Variants in RNF20 observed in about 807,000 individuals in gnomAD.
RNF20 encodes E3 ubiquitin-protein ligase BRE1A.
Under a neutral mutation model 126.2 loss-of-function variants are expected in RNF20, and 84 were observed. That is an observed-to-expected ratio of 0.67 (90% CI 0.56 to 0.80). RNF20 has a LOEUF of 0.80. Among genes scored for constraint, RNF20 ranks in the 30% least tolerant of loss-of-function variants. RNF20 has a pLI of 0.00. For synonymous variants in RNF20, 400 were observed against 414.3 expected (o/e 0.97, Z 0.42); for missense variants, 869 against 1,188.2 (o/e 0.73, Z 3.95).
rs768330783 is a variant in RNF20 at position 101,547,462 on chromosome 9, C to G, written c.1036C>G (p.Leu346Val). Residue 346 changes from leucine (L) to valine (V), a missense_variant, in exon 9 of 20, where the codon CTG (leucine) becomes GTG (valine). Transcript: ENST00000389120. ...GTTGGCTCAGAACCGTCTCTGTGAGCTGGAGAAACTTCGGCAAGACTTTGA... is the reference window on the plus strand; with the variant it reads ...GTTGGCTCAGAACCGTCTCTGTGAGGTGGAGAAACTTCGGCAAGACTTTGA... ...KELAQNRLCE[L>V]EKLRQDFEEV... is the part of the protein sequence containing the mutation. 2 of 1,614,154 alleles carry G rather than the reference C, an allele frequency of 1.2e-6. No individual in the cohort carries two copies. Among genetic ancestry groups the G allele is most frequent in the Admixed American group, 1.7e-5 (1 of 60,024 alleles).
intron 16 of RNF20, among the ~76,000 whole-genome samples, chr9:101,559,701 T>G (rs1827595995): frequency 6.6e-6 from 1 of 152,146 alleles, no homozygotes; most frequent in Non-Finnish European, 1.5e-5. Flanking sequence ...TGATTCTCAG[T>G]TTGGTTGCTG....
Position 101,540,811 on chromosome 9 carries a change from C to G in RNF20, c.464C>G (p.Ala155Gly). Reference sequence around the variant, plus strand: ...TCCTCAGGGGAAGGGCAAGAGCCAGCTTTCTCTTTCCTTGCTACTTTGGCC... The same window carrying G: ...TCCTCAGGGGAAGGGCAAGAGCCAGGTTTCTCTTTCCTTGCTACTTTGGCC... ...DRERGEGQEP[A>G]FSFLATLASS... Residue 155 changes from alanine (A) to glycine (G), a missense_variant, in exon 5 of 20, where the codon GCT becomes GGT. Physicochemically the swap from Ala to Gly is moderately conservative, Grantham distance 60. Around this residue, in one of 8 missense-constraint regions of RNF20, gnomAD observed 157 missense variants for 236.0 expected, o/e 0.67. Coordinates refer to ENST00000389120, the MANE Select transcript of RNF20 (RefSeq NM_019592.7). 6.2e-7 allele frequency: 1 copy of G among 1,613,812 alleles called. No individual in the cohort carries two copies. Among genetic ancestry groups the G allele is most frequent in the African/African-American group, 1.3e-5 (1 of 75,016 alleles).
At chr9:101,540,658 C>G (rs1564107128) in intron 4 of RNF20, 21 bp downstream of exon 4, 2 of 1,613,278 alleles carry the variant, frequency 1.2e-6, no homozygotes, top group Non-Finnish European at 1.7e-6. Flanking sequence ...GTGATGGATT[C>G]TATCACTGCA....
intron 2 of RNF20, among the ~76,000 whole-genome samples, chr9:101,538,224 G>C (rs562282182): frequency 4.6e-5 from 7 of 152,242 alleles, no homozygotes; most frequent in African/African-American, 1.7e-4. Context: ...GGCTGAAGGA[G>C]GTAGAAGACA....
chr9:101,534,838 C>CAT (rs112935735), intron 1 of RNF20, among the ~76,000 whole-genome samples: 43 of 151,928 alleles, frequency 2.8e-4, no homozygotes, highest in African/African-American at 1.0e-3. Flanking sequence ...CCCATTGTCT[C>CAT]ATTTCTTATC....
chr9:101,537,255 G>GGTA (rs1193696157), intron 2 of RNF20, among the ~76,000 whole-genome samples: 3 of 152,148 alleles, frequency 2.0e-5, no homozygotes. Flanking sequence ...CCACTGTGGA[G>GGTA]GTAGCATTGA....
At chr9:101,559,165 C>G (rs1423946929) in intron 16 of RNF20, among the ~76,000 whole-genome samples, 2 of 152,102 alleles carry the variant, frequency 1.3e-5, no homozygotes. Context: ...GTGTCCCTTC[C>G]CACTTTATGT....
intron 9 of RNF20, 93 bp downstream of exon 9, chr9:101,547,611 A>T: frequency 6.3e-6 from 9 of 1,423,538 alleles, no homozygotes; most frequent in Non-Finnish European, 8.6e-6. Flanking sequence ...TTCATGAGGG[A>T]TAAGAAAAAT....
At chr9:101,548,480 G>A (rs754799756) in intron 9 of RNF20, among the ~76,000 whole-genome samples, 1 of 152,066 alleles carries the variant, frequency 6.6e-6, no homozygotes, top group African/African-American at 2.4e-5. Context: ...TGCCACACAC[G>A]AAAAGATAAC....
At chr9:101,548,693 A>G (rs1182808806) in intron 9 of RNF20, among the ~76,000 whole-genome samples, 1 of 152,198 alleles carries the variant, frequency 6.6e-6, no homozygotes, top group Non-Finnish European at 1.5e-5. Context: ...TACTTATTAT[A>G]TGTACTCTGC....
intron 16 of RNF20, among the ~76,000 whole-genome samples, chr9:101,559,526 C>T (rs540496767): frequency 2.6e-5 from 4 of 152,188 alleles, no homozygotes; most frequent in Non-Finnish European, 4.4e-5. Flanking sequence ...TACCCATCCA[C>T]GAGCATGGGA....
chr9:101,555,423 T>C (rs1415902748), intron 15 of RNF20, among the ~76,000 whole-genome samples: 1 of 152,086 alleles, frequency 6.6e-6, no homozygotes, highest in Non-Finnish European at 1.5e-5. Context: ...TTCTCCTCCT[T>C]ATAATGAATA....
chr9:101,541,564 TTTA>T (rs1439377285), intron 5 of RNF20, among the ~76,000 whole-genome samples: 7 of 152,190 alleles, frequency 4.6e-5, no homozygotes, highest in Admixed American at 4.6e-4. Context: ...CAGAATTAAC[TTTA>T]TTATTTAATA....
chr9:101,547,124 G>A lies in RNF20; in HGVS notation c.895-13G>A, dbSNP rs775088999. The A allele has an allele frequency of 3.2e-5, 52 of 1,613,394 alleles. No homozygotes were observed. The highest frequency in any genetic ancestry group is 1.6e-4 in the East Asian group (7 of 44,880). ...AAGAGTCTCTCACTAAAGAATCTTTGTGTTCTCTGTAGGTGAATTCCAAAG... is the reference window on the plus strand; with the variant it reads ...AAGAGTCTCTCACTAAAGAATCTTTATGTTCTCTGTAGGTGAATTCCAAAG... On this transcript the variant is annotated splice_polypyrimidine_tract_variant and intron_variant, in intron 7 of 19. Transcript: ENST00000389120.
intron 1 of RNF20, among the ~76,000 whole-genome samples, 179 bp from the exon 2 acceptor site, chr9:101,535,219 T>C (rs1827163906): frequency 6.6e-6 from 1 of 152,026 alleles, no homozygotes; most frequent in African/African-American, 2.4e-5. Context: ...CCTTGACTTT[T>C]ACTCTACAAT....
At chr9:101,555,440 T>TTCC in intron 15 of RNF20, among the ~76,000 whole-genome samples, 1 of 152,222 alleles carries the variant, frequency 6.6e-6, no homozygotes, top group East Asian at 1.9e-4. Context: ...AATATGTATG[T>TTCC]ATTTTTAAAT....
At chr9:101,558,399 A>G (rs1270526926) in intron 16 of RNF20, among the ~76,000 whole-genome samples, 1 of 151,742 alleles carries the variant, frequency 6.6e-6, no homozygotes, top group Non-Finnish European at 1.5e-5. Flanking sequence ...CCATGGCGTG[A>G]CTTTTCCTCT....
At chr9:101,542,466 T>A (rs1375220230) in intron 5 of RNF20, among the ~76,000 whole-genome samples, 1 of 152,202 alleles carries the variant, frequency 6.6e-6, no homozygotes, top group East Asian at 1.9e-4. Flanking sequence ...GTTCAGTAGT[T>A]TGGCTCACTC....
rs560913766 is a variant in RNF20 at position 101,563,213 on chromosome 9, G to A, written c.*791G>A. 6.5e-6 allele frequency: 1 copy of A among 152,700 alleles called. No individual in the cohort carries two copies. The highest frequency in any genetic ancestry group is 1.9e-4 in the East Asian group (1 of 5,184). The allele number at this position is 152,700 out of a possible 1,614,324, so 9.5% of individuals were successfully genotyped here. A position where few individuals can be genotyped will look rare whatever the true frequency, so the allele number is the denominator to read the frequency against. On this transcript the variant is annotated 3_prime_UTR_variant, in exon 20 of 20. Coordinates refer to ENST00000389120, the MANE Select transcript of RNF20 (RefSeq NM_019592.7). ...GGAAATTTGATACGGAGAGAACTTG[G>A]TGAGCTATGAATTACTCTCAGTCTC...
Sources: allele counts gnomAD v4.1 joint callset (sites outside exome capture counted in the v4.1 genomes callset), GRCh38; gene constraint gnomAD v4.1.1; regional missense constraint gnomAD v4.1.1; transcripts MANE v1.5; gene names NCBI Gene and HGNC (gene_info 2026-07-23, HGNC 2026-07-21).